PI4KA: variants seen among roughly 807,000 people sequenced by gnomAD.
PI4KA encodes PI4-kinase alpha.
A neutral mutation model predicts 271.4 loss-of-function variants in PI4KA; 122 were observed. That is an observed-to-expected ratio of 0.45 (90% CI 0.39 to 0.52). The LOEUF is 0.52. Ranked by LOEUF, PI4KA falls within the 20% of genes least tolerant of loss-of-function variation. PI4KA has a pLI of 0.00. For missense variants in PI4KA, 1,969 were observed against 2,769.1 expected, an observed-to-expected ratio of 0.71 and a Z score of 6.48; for synonymous variants, 1,041 against 1,078.8, an observed-to-expected ratio of 0.96 and a Z score of 0.69.
chr22:20,711,629 G>A (rs1300316298), intron 50 of PI4KA, among the ~76,000 whole-genome samples, 168 bp from the exon 51 acceptor site: 1 of 152,188 alleles, frequency 6.6e-6, no homozygotes, highest in Non-Finnish European at 1.5e-5. Flanking sequence ...AGGAGTGACA[G>A]GGGCTCTCTG....
At position 20,765,657 on chromosome 22, in the gene PI4KA, G is replaced by C. The variant is rs1932453709; in HGVS notation, c.2365C>G (p.Pro789Ala). 6.2e-7 allele frequency: 1 copy of C among 1,611,866 alleles called. No individual in the cohort carries two copies. The highest frequency in any genetic ancestry group is 8.5e-7 in the Non-Finnish European group (1 of 1,178,080). Residue 789 changes from proline to alanine, a missense_variant, in exon 20 of 55, where the codon CCT (proline) becomes GCT (alanine). Physicochemically the swap from Pro to Ala is conservative, Grantham distance 27. Around this residue, in one of 13 missense-constraint regions of PI4KA, gnomAD observed 368 missense variants for 544.3 expected, o/e 0.68. Transcript: ENST00000255882. ...RRLPPIKEAK[P>A]RLQKLFRDFW... ...TCTCGGAAGAGCTTCTGTAACCGAG[G>C]CTTAGCTTCTTTGATGGGTGGCAGT...
intron 1 of PI4KA, among the ~76,000 whole-genome samples, chr22:20,852,726 G>C (rs1927143739): frequency 6.6e-6 from 1 of 151,976 alleles, no homozygotes; most frequent in African/African-American, 2.4e-5. Context: ...GAAATTCTTG[G>C]CTTCATGATA....
intron 1 of PI4KA, among the ~76,000 whole-genome samples, chr22:20,844,336 G>A (rs1183933711): frequency 6.6e-6 from 1 of 152,170 alleles, no homozygotes; most frequent in Non-Finnish European, 1.5e-5. Flanking sequence ...CTAGAAAGCA[G>A]GGTTTAACTA....
chr22:20,736,071 G>A (rs1447404708), intron 32 of PI4KA, among the ~76,000 whole-genome samples: 8 of 152,116 alleles, frequency 5.3e-5, no homozygotes, highest in Non-Finnish European at 4.4e-5. Context: ...TACACACACT[G>A]AGAAACACTA....
At chr22:20,775,934 C>T (rs1378673417) in intron 19 of PI4KA, among the ~76,000 whole-genome samples, 5 of 152,142 alleles carry the variant, frequency 3.3e-5, no homozygotes, top group Non-Finnish European at 7.3e-5. Context: ...ACACAGTCTC[C>T]TGATATGTAA....
At position 20,732,182 on chromosome 22, in the gene PI4KA, A is replaced by T. The variant is rs185176448; in HGVS notation, c.4288+789T>A. Among the ~76,000 whole-genome samples, 797 of 151,796 alleles carry T rather than the reference A, an allele frequency of 5.3e-3. 11 individuals carry two copies. Among genetic ancestry groups the T allele is most frequent in the African/African-American group, 0.018 (756 of 41,442 alleles). On this transcript the variant is annotated intron_variant, in intron 36 of 54. Coordinates refer to ENST00000255882, the MANE Select transcript of PI4KA (RefSeq NM_058004.4). The stretch of plus-strand genomic sequence containing the variant: ...GATCAATACTCTGTCTCAAAAAAAT[A>T]AAATTAAATTAAATTAAAAAATAAA...
chr22:20,768,438 A>C (rs1409389800), intron 19 of PI4KA, among the ~76,000 whole-genome samples: 1 of 152,216 alleles, frequency 6.6e-6, no homozygotes, highest in African/African-American at 2.4e-5. Flanking sequence ...AGAGAAAAAA[A>C]TCCAAAACGT....
At chr22:20,711,147 G>C (rs1437471996) in intron 51 of PI4KA, 194 bp downstream of exon 51, 6 of 545,490 alleles carry the variant, frequency 1.1e-5, no homozygotes, top group South Asian at 9.8e-5. Flanking sequence ...TCTCGCCCTA[G>C]CTCCCTGGGG....
intron 28 of PI4KA, among the ~76,000 whole-genome samples, chr22:20,749,256 G>A (rs1182633330): frequency 6.6e-6 from 1 of 152,198 alleles, no homozygotes; most frequent in Non-Finnish European, 1.5e-5. Flanking sequence ...TCTTTAAAGT[G>A]CTGCCAGGGT....
intron 8 of PI4KA, among the ~76,000 whole-genome samples, chr22:20,811,623 A>AAAAAAAACC (rs361977): frequency 6.6e-6 from 1 of 151,656 alleles, no homozygotes; most frequent in Admixed American, 6.6e-5. Flanking sequence ...AAAAAAAAAA[A>AAAAAAAACC]CTGCCCACAT....
chr22:20,854,485 G>A (rs1245906200), intron 1 of PI4KA, among the ~76,000 whole-genome samples: 1 of 152,092 alleles, frequency 6.6e-6, no homozygotes, highest in Non-Finnish European at 1.5e-5. Context: ...CATGGACTGG[G>A]ATTAGAGTGA....
chr22:20,802,629 G>A (rs746494440), intron 13 of PI4KA, among the ~76,000 whole-genome samples: 13 of 152,146 alleles, frequency 8.5e-5, no homozygotes, highest in Non-Finnish European at 1.6e-4. Flanking sequence ...TCAACCTCCT[G>A]GGCTCAAGCC....
At chr22:20,848,753 G>C (rs955224452) in intron 1 of PI4KA, among the ~76,000 whole-genome samples, 6 of 151,868 alleles carry the variant, frequency 4.0e-5, no homozygotes, top group African/African-American at 1.5e-4. Context: ...ACAGGTGTAA[G>C]TCTTTGTGAC....
intron 19 of PI4KA, among the ~76,000 whole-genome samples, chr22:20,786,366 C>T (rs2147518530): frequency 6.6e-6 from 1 of 152,260 alleles, no homozygotes; most frequent in South Asian, 2.1e-4. Context: ...AGGGGGGATC[C>T]CAAGAGCAGC....
At chr22:20,737,695 G>C (rs1431457565) in intron 32 of PI4KA, among the ~76,000 whole-genome samples, 1 of 151,004 alleles carries the variant, frequency 6.6e-6, no homozygotes, top group Non-Finnish European at 1.5e-5. Flanking sequence ...GCAATGGTGC[G>C]ATCTTGGCTC....
intron 1 of PI4KA, among the ~76,000 whole-genome samples, chr22:20,839,870 GC>G (rs1925337135): frequency 6.6e-6 from 1 of 152,112 alleles, no homozygotes; most frequent in Admixed American, 6.5e-5. Context: ...TTGGGACTGA[GC>G]ACAGCATATA....
rs982006394 is a variant in PI4KA at position 20,764,755 on chromosome 22, C to T, written c.2708+62G>A. On this transcript the variant is annotated intron_variant, in intron 22 of 54. Transcript: ENST00000255882. The stretch of plus-strand genomic sequence containing the variant: ...AAAAAGTCTCATGCTTACGAGGGCA[C>T]AAAAATGAAAACCCTGCTCAAATGT... 12 of 1,514,416 alleles carry T rather than the reference C, an allele frequency of 7.9e-6. No homozygotes were observed. The Admixed American group carries it at 1.9e-4, about 24-fold the overall frequency. The allele number at this position is 1,514,416 out of a possible 1,614,324, so 93.8% of individuals were successfully genotyped here. A position where few individuals can be genotyped will look rare whatever the true frequency, so the allele number is the denominator to read the frequency against.
intron 42 of PI4KA, chr22:20,725,789 G>C (rs963561169): frequency 3.4e-6 from 1 of 294,528 alleles, no homozygotes; most frequent in Non-Finnish European, 7.0e-6. Flanking sequence ...CCAGTTACTT[G>C]GGAGGGGTAG....
intron 48 of PI4KA, 122 bp from the exon 49 acceptor site, chr22:20,712,919 C>T (rs1227444462): frequency 1.5e-5 from 22 of 1,436,282 alleles, no homozygotes; most frequent in Middle Eastern, 2.5e-4. Flanking sequence ...AGACCACAGC[C>T]GAGCAAGAGT....
Sources: allele counts gnomAD v4.1 joint callset (sites outside exome capture counted in the v4.1 genomes callset), GRCh38; gene constraint gnomAD v4.1.1; regional missense constraint gnomAD v4.1.1; transcripts MANE v1.5; gene names NCBI Gene and HGNC (gene_info 2026-07-23, HGNC 2026-07-21).